The following MEMO1 variants were observed in gnomAD, a reference collection of about 807,000 sequenced individuals.
The protein encoded by MEMO1 is protein MEMO1.
A neutral mutation model predicts 45.2 loss-of-function variants in MEMO1; 6 were observed. The ratio of observed to expected loss-of-function variants is 0.13; its 90% CI spans 0.07 to 0.26. The LOEUF is 0.26. Ranked by LOEUF, MEMO1 falls within the 10% of genes least tolerant of loss-of-function variation. The pLI, the probability that MEMO1 is intolerant of heterozygous loss-of-function variation, is 1.00. For missense variants in MEMO1, 184 were observed against 370.5 expected, an observed-to-expected ratio of 0.50 and a Z score of 4.13; for synonymous variants, 78 against 124.3, an observed-to-expected ratio of 0.63 and a Z score of 2.48.
At chr2:31,898,103 CTT>C (rs774845816) in intron 6 of MEMO1, among the ~76,000 whole-genome samples, 22 of 151,854 alleles carry the variant, frequency 1.4e-4, no homozygotes, top group Non-Finnish European at 2.7e-4. Context: ...ATTCTTCTCT[CTT>C]TTCTTCTTTA....
rs138005276 is a variant in MEMO1 at position 32,008,525 on chromosome 2, A to T, written c.61+1662T>A. ...CTTGAACCCAGGAGGCGGAGGTTGC[A>T]ATGAGTCAAGATCGAGCCATTGCAC... On this transcript the variant is annotated intron_variant, in intron 2 of 9. Transcript: ENST00000404530. 6.0e-3 allele frequency among the ~76,000 whole-genome samples: 909 copies of T among 152,318 alleles called. 11 individuals are homozygous for T. The highest frequency in any genetic ancestry group is 0.02 in the African/African-American group (851 of 41,576).
intron 2 of MEMO1, among the ~76,000 whole-genome samples, chr2:31,956,355 G>A (rs13021718): frequency 0.15 from 22,561 of 150,986 alleles, 1,795 homozygotes; most frequent in Middle Eastern, 0.21. Flanking sequence ...AAAAAAAAAG[G>A]AGTTTCTTAA....
At chr2:31,884,987 T>G (rs1463363750) in intron 7 of MEMO1, among the ~76,000 whole-genome samples, 1 of 152,236 alleles carries the variant, frequency 6.6e-6, no homozygotes. Flanking sequence ...GCCTCTATAT[T>G]GATAATTCAT....
intron 1 of MEMO1, 21 bp from the exon 2 acceptor site, chr2:32,010,285 T>A (rs1478803617): frequency 2.2e-6 from 3 of 1,365,238 alleles, no homozygotes; most frequent in African/African-American, 1.5e-5. Context: ...CGAGGATGAA[T>A]GAGGAGGCGG....
At position 31,921,293 on chromosome 2, in the gene MEMO1, A is replaced by T. The variant is rs181573578; in HGVS notation, c.213-383T>A. Among the ~76,000 whole-genome samples the T allele has an allele frequency of 2.6e-3, 392 of 152,306 alleles. 11 individuals are homozygous for T. Among genetic ancestry groups the T allele is most frequent in the Non-Finnish European group, 9.9e-4 (67 of 68,014 alleles). On this transcript the variant is annotated intron_variant, in intron 4 of 9. Transcript: ENST00000404530. Reference sequence around the variant, plus strand: ...TTGATATTGAATTTCAAGCTTCCAGAATTGTTAAAAAATAAATTTGTGTTG... The same window carrying T: ...TTGATATTGAATTTCAAGCTTCCAGTATTGTTAAAAAATAAATTTGTGTTG...
chr2:31,896,699 C>T (rs929353059), intron 6 of MEMO1, among the ~76,000 whole-genome samples: 3 of 152,208 alleles, frequency 2.0e-5, no homozygotes, highest in Admixed American at 6.5e-5. Flanking sequence ...AAAACTTCTG[C>T]TCTTCATTAA....
intron 4 of MEMO1, among the ~76,000 whole-genome samples, chr2:31,927,446 G>A (rs1423609546): frequency 1.3e-5 from 2 of 152,104 alleles, no homozygotes; most frequent in African/African-American, 2.4e-5. Flanking sequence ...TATCTGCAAA[G>A]GTAATTACAC....
intron 6 of MEMO1, among the ~76,000 whole-genome samples, chr2:31,898,884 T>A (rs1250316444): frequency 6.6e-6 from 1 of 152,196 alleles, no homozygotes; most frequent in African/African-American, 2.4e-5. Flanking sequence ...GCTTTATGAA[T>A]CTGGGTGCTC....
At chr2:31,890,094 C>T (rs1243784921) in intron 7 of MEMO1, among the ~76,000 whole-genome samples, 1 of 152,028 alleles carries the variant, frequency 6.6e-6, no homozygotes, top group Non-Finnish European at 1.5e-5. Context: ...TAGCAGTGGA[C>T]TAGGCTTTGG....
intron 6 of MEMO1, among the ~76,000 whole-genome samples, chr2:31,917,379 G>T (rs1294148677): frequency 6.6e-6 from 1 of 152,090 alleles, no homozygotes; most frequent in African/African-American, 2.4e-5. Flanking sequence ...AGGCGGTGGG[G>T]TATACAGTAG....
intron 2 of MEMO1, among the ~76,000 whole-genome samples, chr2:31,952,449 T>C (rs1234615770): frequency 6.6e-6 from 1 of 152,192 alleles, no homozygotes. Flanking sequence ...CCAATTCCAT[T>C]GGCATTTCGT....
At position 31,868,312 on chromosome 2, in the gene MEMO1, C is replaced by T. The variant is rs767562663; in HGVS notation, c.*49G>A. ...CGTGGTAAAGGCTAGGCTGGGACCC[C>T]GGACAGAGTATGAGAATGTGCAGGT... On this transcript the variant is annotated 3_prime_UTR_variant, in exon 10 of 10. Transcript: ENST00000404530. The T allele has an allele frequency of 8.2e-6, 12 of 1,466,064 alleles. No individual in the cohort carries two copies. The highest frequency in any genetic ancestry group is 4.5e-5 in the South Asian group (3 of 66,950). The allele number at this position is 1,466,064 out of a possible 1,614,324, so 90.8% of individuals were successfully genotyped here.
intron 2 of MEMO1, among the ~76,000 whole-genome samples, chr2:31,972,742 G>A (rs1428793534): frequency 6.6e-6 from 1 of 152,044 alleles, no homozygotes; most frequent in Non-Finnish European, 1.5e-5. Flanking sequence ...TACAGAATGG[G>A]AGGAAATACT....
At chr2:32,000,668 A>G (rs1043733269) in intron 2 of MEMO1, among the ~76,000 whole-genome samples, 3 of 152,180 alleles carry the variant, frequency 2.0e-5, no homozygotes, top group African/African-American at 7.2e-5. Flanking sequence ...ACCTGGCCGA[A>G]GTCTTCCCTT....
At chr2:31,931,333 A>C (rs1186290778) in intron 4 of MEMO1, among the ~76,000 whole-genome samples, 1 of 152,144 alleles carries the variant, frequency 6.6e-6, no homozygotes, top group Admixed American at 6.5e-5. Context: ...ATCTCTACTA[A>C]TTCAGACCTA....
chr2:31,937,156 GCTCAATGGCC>G (rs1665011718), intron 3 of MEMO1, among the ~76,000 whole-genome samples: 1 of 152,122 alleles, frequency 6.6e-6, no homozygotes, highest in Admixed American at 6.5e-5. Flanking sequence ...TGTAGGCATT[GCTCAATGGCC>G]CTCAAGATTC....
chr2:31,940,244 A>G (rs956692303), intron 3 of MEMO1, among the ~76,000 whole-genome samples: 1 of 151,930 alleles, frequency 6.6e-6, no homozygotes, highest in African/African-American at 2.4e-5. Flanking sequence ...AGGCAACCAT[A>G]CCCTCTGTGA....
Position 31,885,018 on chromosome 2 carries a change from T to C in MEMO1, c.581-1556A>G, listed in dbSNP as rs1675976911. ...TTCATTAAACATTTCTTTTAAAATT[T>C]AGAGTAAGGTATAGCTTTATTTTTC... On this transcript the variant is annotated intron_variant, in intron 7 of 9. Coordinates refer to ENST00000404530, the MANE Select transcript of MEMO1 (RefSeq NM_001301833.4). Among the ~76,000 whole-genome samples the C allele has an allele frequency of 3.9e-5, 6 of 152,226 alleles. No individual in the cohort carries two copies. The South Asian group carries it at 1.2e-3, about 31-fold the overall frequency.
intron 4 of MEMO1, among the ~76,000 whole-genome samples, chr2:31,925,803 C>A (rs916027772): frequency 6.6e-6 from 1 of 152,166 alleles, no homozygotes; most frequent in Non-Finnish European, 1.5e-5. Context: ...CTTACTCACA[C>A]TAAGTTTAAA....
Sources: allele counts gnomAD v4.1 joint callset (sites outside exome capture counted in the v4.1 genomes callset), GRCh38; gene constraint gnomAD v4.1.1; transcripts MANE v1.5; gene names NCBI Gene and HGNC (gene_info 2026-07-23, HGNC 2026-07-21).